Variants in KCNH5 observed in about 807,000 individuals in gnomAD.
The protein encoded by KCNH5 is voltage-gated delayed rectifier potassium channel KCNH5.
Under a neutral mutation model 96.1 loss-of-function variants are expected in KCNH5, and 46 were observed. The ratio of observed to expected loss-of-function variants is 0.48; its 90% CI spans 0.38 to 0.61. KCNH5 has a LOEUF of 0.61. KCNH5 is among the 20% of genes least tolerant of loss of function. The probability of loss-of-function intolerance (pLI) is 0.00; values close to 1 mark genes in which losing one functional copy is unlikely to be tolerated. For synonymous variants in KCNH5, 439 were observed against 449.8 expected (o/e 0.98, Z 0.30); for missense variants, 907 against 1,225.8 (o/e 0.74, Z 3.88).
At chr14:62,727,598 G>C (rs916480181) in intron 10 of KCNH5, among the ~76,000 whole-genome samples, 1 of 151,954 alleles carries the variant, frequency 6.6e-6, no homozygotes, top group African/African-American at 2.4e-5. Flanking sequence ...ATAAGTGTTT[G>C]TCCCATCCCC....
intron 8 of KCNH5, among the ~76,000 whole-genome samples, chr14:62,811,392 T>G (rs1027323074): frequency 1.3e-5 from 2 of 152,110 alleles, no homozygotes; most frequent in African/African-American, 4.8e-5. Context: ...TAACATCACC[T>G]TTCTCACCAC....
At chr14:62,880,196 T>C (rs1051293993) in intron 7 of KCNH5, among the ~76,000 whole-genome samples, 5 of 152,134 alleles carry the variant, frequency 3.3e-5, no homozygotes, top group African/African-American at 9.7e-5. Context: ...AACCATTACA[T>C]AGGTAATTAT....
intron 7 of KCNH5, among the ~76,000 whole-genome samples, chr14:62,913,009 T>G (rs1889200322): frequency 6.6e-6 from 1 of 152,206 alleles, no homozygotes; most frequent in Non-Finnish European, 1.5e-5. Flanking sequence ...CTAACAAATG[T>G]ATCTATATTT....
At chr14:62,710,630 C>G (rs1555352175) in intron 10 of KCNH5, among the ~76,000 whole-genome samples, 2 of 152,100 alleles carry the variant, frequency 1.3e-5, no homozygotes, top group Non-Finnish European at 2.9e-5. Flanking sequence ...ACCACTTACC[C>G]TTTTTATTTT....
At chr14:62,909,927 A>G (rs1385206213) in intron 7 of KCNH5, among the ~76,000 whole-genome samples, 1 of 151,988 alleles carries the variant, frequency 6.6e-6, no homozygotes, top group East Asian at 1.9e-4. Context: ...CATTTATTAT[A>G]TGTATTGGTT....
chr14:62,850,419 G>C (rs1005293400), intron 7 of KCNH5, among the ~76,000 whole-genome samples: 1 of 152,130 alleles, frequency 6.6e-6, no homozygotes, highest in African/African-American at 2.4e-5. Flanking sequence ...AGATAAAGAG[G>C]TTTGGAGTTT....
In KCNH5 at chr14:62,708,473, T is replaced by G. The variant is rs748404574; in HGVS notation, c.2020-18A>C. 49 of 1,509,190 alleles carry G rather than the reference T, an allele frequency of 3.2e-5. No homozygotes were observed. Among genetic ancestry groups the G allele is most frequent in the South Asian group, 3.0e-4 (26 of 85,412 alleles). 93.5% of individuals were successfully genotyped at this position (1,509,190 alleles called of 1,614,324 possible). A position where few individuals can be genotyped will look rare whatever the true frequency, so the allele number is the denominator to read the frequency against. On this transcript the variant is annotated intron_variant, in intron 10 of 10. Transcript: ENST00000322893. ...AAGATGATCTGTGGAACGGGAGAGA[T>G]AGTCACAGCCTGATTATAAAAGCAG...
chr14:63,007,116 A>T (rs2139598197), intron 2 of KCNH5, among the ~76,000 whole-genome samples: 1 of 152,276 alleles, frequency 6.6e-6, no homozygotes, highest in African/African-American at 2.4e-5. Flanking sequence ...CATTTGGGAG[A>T]CTCTAAATAT....
At chr14:62,903,187 A>G (rs772969200) in intron 7 of KCNH5, among the ~76,000 whole-genome samples, 1 of 152,142 alleles carries the variant, frequency 6.6e-6, no homozygotes, top group Non-Finnish European at 1.5e-5. Context: ...ATGTTTGCCA[A>G]ATGAAAAAAT....
intron 10 of KCNH5, among the ~76,000 whole-genome samples, chr14:62,764,063 A>C (rs1885810454): frequency 6.6e-6 from 1 of 152,184 alleles, no homozygotes; most frequent in African/African-American, 2.4e-5. Flanking sequence ...CCTGGCAGAA[A>C]CAGTACAAAT....
intron 10 of KCNH5, among the ~76,000 whole-genome samples, chr14:62,765,981 C>G (rs918424071): frequency 6.6e-6 from 1 of 152,030 alleles, no homozygotes; most frequent in Admixed American, 6.6e-5. Context: ...ATAAGGAGCT[C>G]AAACAACTCT....
intron 7 of KCNH5, among the ~76,000 whole-genome samples, chr14:62,875,228 G>A (rs920146443): frequency 2.0e-5 from 3 of 150,822 alleles, no homozygotes; most frequent in African/African-American, 7.3e-5. Flanking sequence ...CATGCTCATG[G>A]GTAGGAAGAA....
chr14:62,929,514 G>T (rs1595688649), intron 7 of KCNH5, among the ~76,000 whole-genome samples: 1 of 151,988 alleles, frequency 6.6e-6, no homozygotes, highest in Non-Finnish European at 1.5e-5. Flanking sequence ...TCATGGTCTG[G>T]TCTCATTACC....
chr14:62,824,564 T>G (rs977744809), intron 8 of KCNH5, among the ~76,000 whole-genome samples: 1 of 152,116 alleles, frequency 6.6e-6, no homozygotes, highest in Admixed American at 6.6e-5. Context: ...AAGAACATGC[T>G]TAATTTAAAA....
intron 10 of KCNH5, among the ~76,000 whole-genome samples, chr14:62,723,988 C>G (rs778435794): frequency 7.2e-5 from 11 of 152,174 alleles, no homozygotes; most frequent in African/African-American, 1.2e-4. Flanking sequence ...ATCAGACATG[C>G]AAGTGGCTTT....
At chr14:62,842,187 T>C (rs1887599094) in intron 8 of KCNH5, among the ~76,000 whole-genome samples, 1 of 152,220 alleles carries the variant, frequency 6.6e-6, no homozygotes, top group East Asian at 1.9e-4. Context: ...TAAACTACGC[T>C]AAAAGCCATG....
chr14:62,842,493 C>T (rs1184234483), intron 8 of KCNH5, among the ~76,000 whole-genome samples: 7 of 152,298 alleles, frequency 4.6e-5, no homozygotes, highest in East Asian at 1.9e-4. Flanking sequence ...TCTCTGATTA[C>T]GTTTAGGTAC....
At chr14:63,001,512 CA>C in intron 3 of KCNH5, 53 bp from the exon 4 acceptor site, 1 of 1,528,664 alleles carries the variant, frequency 6.5e-7, no homozygotes, top group Non-Finnish European at 8.8e-7. Flanking sequence ...ACGGCCACAG[CA>C]GTGGTTTGGT....
intron 7 of KCNH5, among the ~76,000 whole-genome samples, chr14:62,904,273 G>A (rs143340787): frequency 1.2e-3 from 182 of 152,088 alleles, no homozygotes; most frequent in African/African-American, 4.1e-3. Context: ...TTTTTCCTTC[G>A]CTGGCATAAA....
Sources: gnomAD v4.1 joint callset for allele counts (sites outside exome capture counted in the v4.1 genomes callset) on GRCh38, gnomAD v4.1.1 for gene constraint, MANE v1.5 for transcripts, NCBI Gene and HGNC (gene_info 2026-07-23, HGNC 2026-07-21) for gene names.